GPCPD1: variants seen among roughly 807,000 people sequenced by gnomAD.
GPCPD1 encodes glycerophosphocholine phosphodiesterase 1.
Under a neutral mutation model 89.2 loss-of-function variants are expected in GPCPD1, and 29 were observed. That is an observed-to-expected ratio of 0.33 (90% CI 0.24 to 0.44). The LOEUF (loss-of-function observed/expected upper bound fraction) is 0.44, where lower values mean the gene tolerates loss of function less well. GPCPD1 is among the 20% of genes least tolerant of loss of function. The probability of loss-of-function intolerance (pLI) is 1.00; values close to 1 mark genes in which losing one functional copy is unlikely to be tolerated. For missense variants in GPCPD1, 594 were observed against 808.9 expected (o/e 0.73, Z 3.22); for synonymous variants, 258 against 266.3 (o/e 0.97, Z 0.30).
At chr20:5,591,080 A>G (rs758177355) in intron 4 of GPCPD1, among the ~76,000 whole-genome samples, 2 of 152,226 alleles carry the variant, frequency 1.3e-5, no homozygotes, top group Non-Finnish European at 2.9e-5. Context: ...ATGTGACATC[A>G]GTGGACTACC....
At chr20:5,581,268 TA>T (rs1166295096) in intron 6 of GPCPD1, among the ~76,000 whole-genome samples, 1 of 152,178 alleles carries the variant, frequency 6.6e-6, no homozygotes, top group Non-Finnish European at 1.5e-5. Flanking sequence ...AATTCTTCAT[TA>T]AAATATAACT....
chr20:5,606,455 A>C (rs1980591952), intron 1 of GPCPD1, among the ~76,000 whole-genome samples: 2 of 152,160 alleles, frequency 1.3e-5, no homozygotes, highest in African/African-American at 4.8e-5. Flanking sequence ...TCATTTTTCT[A>C]GTTCTGCTTT....
At chr20:5,570,532 T>C (rs1431329412) in intron 11 of GPCPD1, among the ~76,000 whole-genome samples, 1 of 151,528 alleles carries the variant, frequency 6.6e-6, no homozygotes, top group Non-Finnish European at 1.5e-5. Flanking sequence ...GCAACTGCTA[T>C]TGGCAGAAAA....
intron 15 of GPCPD1, among the ~76,000 whole-genome samples, chr20:5,564,759 T>C (rs1471437164): frequency 1.3e-5 from 2 of 152,070 alleles, no homozygotes; most frequent in Non-Finnish European, 2.9e-5. Context: ...GAGGATCGCT[T>C]GAGCCAAGGA....
At chr20:5,559,150 G>A (rs564119686) in intron 17 of GPCPD1, among the ~76,000 whole-genome samples, 1 of 151,418 alleles carries the variant, frequency 6.6e-6, no homozygotes, top group African/African-American at 2.4e-5. Flanking sequence ...GCAGTGAGCC[G>A]AGATCACACC....
chr20:5,582,214 A>C (rs1034545645), intron 6 of GPCPD1, among the ~76,000 whole-genome samples: 7 of 147,932 alleles, frequency 4.7e-5, no homozygotes, highest in Admixed American at 2.7e-4. Context: ...AAAAAAAAAA[A>C]AAAAACTACT....
intron 3 of GPCPD1, among the ~76,000 whole-genome samples, chr20:5,595,073 C>CA (rs1033709940): frequency 6.6e-6 from 1 of 152,154 alleles, no homozygotes; most frequent in African/African-American, 2.4e-5. Context: ...CGACTCTGAT[C>CA]AGTTAGCAGC....
intron 6 of GPCPD1, among the ~76,000 whole-genome samples, chr20:5,583,527 G>A (rs987276378): frequency 9.9e-5 from 15 of 152,146 alleles, no homozygotes; most frequent in African/African-American, 3.1e-4. Context: ...CAGCCTGGGC[G>A]GGTGGGGGTA....
intron 3 of GPCPD1, among the ~76,000 whole-genome samples, chr20:5,595,039 CTG>C (rs1979610844): frequency 6.6e-6 from 1 of 152,210 alleles, no homozygotes; most frequent in African/African-American, 2.4e-5. Context: ...GAAATTGACA[CTG>C]TCCTTCAACC....
At chr20:5,558,256 T>C (rs1985887659) in intron 18 of GPCPD1, 151 bp from the exon 19 acceptor site, 1 of 505,084 alleles carries the variant, frequency 2.0e-6, no homozygotes. Context: ...TTATTCTTTT[T>C]AATGGACACT....
At chr20:5,562,638 G>A (rs1187818615) in intron 15 of GPCPD1, among the ~76,000 whole-genome samples, 5 of 152,146 alleles carry the variant, frequency 3.3e-5, no homozygotes. Context: ...AGCACATATG[G>A]TATTTAATTT....
intron 2 of GPCPD1, among the ~76,000 whole-genome samples, chr20:5,600,368 C>T (rs1245184685): frequency 6.6e-6 from 1 of 151,164 alleles, no homozygotes; most frequent in Non-Finnish European, 1.5e-5. Flanking sequence ...ACAGCTTGGC[C>T]AACTAGCAAA....
At chr20:5,606,474 C>A (rs935683811) in intron 1 of GPCPD1, among the ~76,000 whole-genome samples, 5 of 152,150 alleles carry the variant, frequency 3.3e-5, no homozygotes, top group African/African-American at 7.2e-5. Context: ...TTGCTCCCTT[C>A]CCCTCCCCCT....
rs1235965537 is a variant in GPCPD1 at position 5,566,780 on chromosome 20, GCA to G, written c.1228-10_1228-9del. 1 of 1,568,862 alleles carries G rather than the reference GCA, an allele frequency of 6.4e-7. No individual in the cohort carries two copies. The highest frequency in any genetic ancestry group is 1.4e-5 in the African/African-American group (1 of 73,930). On this transcript the variant is annotated splice_polypyrimidine_tract_variant and intron_variant, in intron 13 of 19. Transcript: ENST00000379019. ...TGCAGTCACATGAGTGAGCTAGAAA[GCA>G]CACAAACAAAATGAAATCAGAAAGG...
At chr20:5,573,874 T>G (rs769310167) in intron 11 of GPCPD1, 41 bp downstream of exon 11, 2 of 1,012,994 alleles carry the variant, frequency 2.0e-6, no homozygotes, top group Non-Finnish European at 3.2e-6. Context: ...GATCCATATT[T>G]CTCTACCTCA....
At chr20:5,604,470 T>C (rs944502509) in intron 1 of GPCPD1, 30 bp from the exon 2 acceptor site, 3 of 966,832 alleles carry the variant, frequency 3.1e-6, no homozygotes, top group Non-Finnish European at 4.9e-6. Flanking sequence ...TAACTTATAG[T>C]ATAAAAATAT....
intron 6 of GPCPD1, among the ~76,000 whole-genome samples, chr20:5,580,800 A>G (rs112393891): frequency 4.6e-5 from 7 of 152,168 alleles, no homozygotes; most frequent in African/African-American, 1.7e-4. Flanking sequence ...TTTAGAATAC[A>G]TATCCCAAAG....
chr20:5,563,745 A>G (rs6038203), intron 15 of GPCPD1, among the ~76,000 whole-genome samples: 145,532 of 152,292 alleles, frequency 0.96, 69,582 homozygotes, highest in East Asian at 1. Context: ...TTTTTGCAGA[A>G]TGAATAATCA....
chr20:5,554,728 T>C (rs1476637403), intron 19 of GPCPD1, among the ~76,000 whole-genome samples: 3 of 152,132 alleles, frequency 2.0e-5, no homozygotes, highest in Non-Finnish European at 4.4e-5. Context: ...GATCAAGGAG[T>C]CACTTTGACT....
Sources: gnomAD v4.1 joint callset for allele counts (sites outside exome capture counted in the v4.1 genomes callset) on GRCh38, gnomAD v4.1.1 for gene constraint, MANE v1.5 for transcripts, NCBI Gene and HGNC (gene_info 2026-07-23, HGNC 2026-07-21) for gene names.